The following TMED6 variants were observed in gnomAD, a reference collection of about 807,000 sequenced individuals.
TMED6 encodes the protein transmembrane p24 trafficking protein 6.
Under a neutral mutation model 26.5 loss-of-function variants are expected in TMED6, and 17 were observed. The observed-to-expected ratio is 0.64, with a 90% CI of 0.44 to 0.96. TMED6 has a LOEUF of 0.96. Ranked by LOEUF, TMED6 falls within the 40% of genes least tolerant of loss-of-function variation. TMED6 has a pLI of 0.00. For missense variants in TMED6, 309 were observed against 296.5 expected (o/e 1.04, Z -0.31); for synonymous variants, 107 against 106.2 (o/e 1.01, Z -0.04).
In TMED6 at chr16:69,343,611, G is replaced by T. The variant is rs1328027003; in HGVS notation, c.519C>A (p.Ile173=). The T allele has an allele frequency of 6.2e-7, 1 of 1,614,078 alleles. No homozygotes were observed. Among genetic ancestry groups the T allele is most frequent in the Non-Finnish European group, 8.5e-7 (1 of 1,180,036 alleles). Residue 173 remains isoleucine (I), a synonymous_variant, in exon 4 of 4, where the codon ATC becomes ATA. Coordinates refer to ENST00000288025, the MANE Select transcript of TMED6 (RefSeq NM_144676.4). ...AGTTGTAGTATCGCCACATGTGAAA[G>T]ATATTGTTCTGCACCTTTTGTGTGC... ...EDGTQKVQNN[I]FHMWRYYNFA...
In TMED6 at chr16:69,351,608, G is replaced by A; in HGVS notation, c.146C>T (p.Pro49Leu). The change falls in exon 1 of 4, where the codon CCT becomes CTT. Residue 49 changes from proline to leucine, a missense_variant. Transcript: ENST00000288025. ...ADRYDFAIMI[P>L]PGGTECFWQF... ...CCAAAAGCATTCCGTGCCTCCTGGA[G>A]GTATCATGATGGCAAAGTCATATCG... The A allele has an allele frequency of 6.2e-6, 10 of 1,614,132 alleles. No individual in the cohort carries two copies. The highest frequency in any genetic ancestry group is 2.2e-5 in the East Asian group (1 of 44,888).
At chr16:69,348,169 G>T in intron 2 of TMED6, 1 of 393,424 alleles carries the variant, frequency 2.5e-6, no homozygotes, top group Non-Finnish European at 4.6e-6. Flanking sequence ...TCCATACTGG[G>T]TAGTGGCAAA....
In TMED6 at chr16:69,349,611, G is replaced by C. The variant is rs140507413; in HGVS notation, c.254C>G (p.Ala85Gly). The C allele has an allele frequency of 6.2e-7, 1 of 1,613,906 alleles. No homozygotes were observed. Among genetic ancestry groups the C allele is most frequent in the Admixed American group, 1.7e-5 (1 of 60,012 alleles). ...TVGMSHDRHV[A>G]ATAHNPQGFL... is the part of the protein sequence containing the mutation. ...TCCCTGTGGGTTATGTGCCGTGGCA[G>C]CAACATGCCGGTCATGTGACATCCC... Residue 85 changes from alanine to glycine, a missense_variant, in exon 2 of 4, where the codon GCT becomes GGT. Transcript: ENST00000288025.
chr16:69,349,775 A>AC, intron 1 of TMED6, 124 bp from the exon 2 acceptor site: 1 of 1,248,016 alleles, frequency 8.0e-7, no homozygotes, highest in Non-Finnish European at 1.1e-6. Flanking sequence ...GGACTGCCCA[A>AC]CCCCCTGCTG....
intron 2 of TMED6, 33 bp from the exon 3 acceptor site, chr16:69,347,969 T>C (rs1174582143): frequency 6.2e-7 from 1 of 1,611,618 alleles, no homozygotes; most frequent in East Asian, 2.2e-5. Context: ...ACCAAGTCTT[T>C]GGTCTCCTCC....
At chr16:69,344,807 G>A (rs1185609674) in intron 3 of TMED6, among the ~76,000 whole-genome samples, 1 of 151,640 alleles carries the variant, frequency 6.6e-6, no homozygotes, top group Non-Finnish European at 1.5e-5. Flanking sequence ...AGTGAAAAGT[G>A]GCCGGGCACG....
chr16:69,349,499 T>C (rs371138574), intron 2 of TMED6, 26 bp downstream of exon 2: 209 of 1,609,240 alleles, frequency 1.3e-4, no homozygotes, highest in African/African-American at 2.4e-4. Flanking sequence ...ATGATTATTA[T>C]AATAGCCATG....
intron 3 of TMED6, among the ~76,000 whole-genome samples, chr16:69,347,183 G>A (rs1201718098): frequency 1.3e-5 from 2 of 152,154 alleles, no homozygotes; most frequent in Non-Finnish European, 2.9e-5. Context: ...GATGCTGATA[G>A]TTGCACAGCC....
intron 2 of TMED6, 45 bp from the exon 3 acceptor site, chr16:69,347,981 C>A: frequency 6.2e-7 from 1 of 1,604,504 alleles, no homozygotes; most frequent in South Asian, 1.1e-5. Flanking sequence ...GTCTCCTCCC[C>A]TTTGTTAAGG....
In TMED6 at chr16:69,351,667, G is replaced by A. The variant is rs1268919965; in HGVS notation, c.87C>T (p.Gly29=). The part of the protein sequence containing the change: ...ARSQKTEPLS[G]SGDQPLFRGA... Reference sequence around the variant, plus strand: ...CACGGAAGAGTGGCTGGTCCCCAGAGCCACTTAGAGGTTCTGTCTTCTGGC... The same window carrying A: ...CACGGAAGAGTGGCTGGTCCCCAGAACCACTTAGAGGTTCTGTCTTCTGGC... Residue 29 remains glycine, a synonymous_variant, in exon 1 of 4, where the codon GGC becomes GGT. Coordinates refer to ENST00000288025, the MANE Select transcript of TMED6 (RefSeq NM_144676.4). 1.9e-6 allele frequency: 3 copies of A among 1,613,968 alleles called. No individual in the cohort carries two copies. The highest frequency in any genetic ancestry group is 8.5e-7 in the Non-Finnish European group (1 of 1,180,012).
intron 1 of TMED6, among the ~76,000 whole-genome samples, chr16:69,350,937 T>G (rs2012765752): frequency 6.6e-6 from 1 of 152,336 alleles, no homozygotes. Context: ...GCCTCTAACT[T>G]TCATACTGAG....
chr16:69,349,777 C>A, intron 1 of TMED6, 126 bp from the exon 2 acceptor site: 1 of 1,241,722 alleles, frequency 8.1e-7, no homozygotes, highest in Admixed American at 2.3e-5. Context: ...ACTGCCCAAC[C>A]CCCTGCTGGG....
At chr16:69,344,979 C>T (rs764758552) in intron 3 of TMED6, among the ~76,000 whole-genome samples, 4 of 152,078 alleles carry the variant, frequency 2.6e-5, no homozygotes, top group East Asian at 1.9e-4. Context: ...ATCCCAGCTA[C>T]TTGGGAGACT....
At chr16:69,348,720 T>C (rs1234931047) in intron 2 of TMED6, among the ~76,000 whole-genome samples, 2 of 152,056 alleles carry the variant, frequency 1.3e-5, no homozygotes, top group Non-Finnish European at 2.9e-5. Flanking sequence ...GTTCAAGCAA[T>C]TCTCTTGCCT....
intron 3 of TMED6, among the ~76,000 whole-genome samples, chr16:69,345,424 C>A (rs981706133): frequency 6.6e-6 from 1 of 152,046 alleles, no homozygotes; most frequent in Non-Finnish European, 1.5e-5. Context: ...TGGCTCACGC[C>A]TGTATTCCCA....
Position 69,349,568 on chromosome 16 carries a change from G to T in TMED6, c.297C>A (p.Ser99=). 6.2e-7 allele frequency: 1 copy of T among 1,613,950 alleles called. No homozygotes were observed. The highest frequency in any genetic ancestry group is 1.7e-5 in the Admixed American group (1 of 60,004). Residue 99 remains serine, a synonymous_variant, in exon 2 of 4, where the codon TCC becomes TCA. Transcript: ENST00000288025. ...HNPQGFLIDT[S]QGVRGQINFS... is the part of the protein sequence containing the mutation. ...AGTTAATCTGGCCCCGAACACCCTGGGAGGTGTCTATGAGAAATCCCTGTG... is the reference window on the plus strand; with the variant it reads ...AGTTAATCTGGCCCCGAACACCCTGTGAGGTGTCTATGAGAAATCCCTGTG...
intron 3 of TMED6, among the ~76,000 whole-genome samples, chr16:69,347,247 G>A (rs2012700802): frequency 6.6e-6 from 1 of 152,176 alleles, no homozygotes. Context: ...GGTGTACGGT[G>A]TATGAATTAT....
intron 3 of TMED6, among the ~76,000 whole-genome samples, chr16:69,345,850 AGTT>A (rs1412769588): frequency 6.6e-6 from 1 of 152,034 alleles, no homozygotes; most frequent in African/African-American, 2.4e-5. Context: ...TCATTTAAAA[AGTT>A]GTTTTGTTTG....
chr16:69,351,736 A>G lies in TMED6; in HGVS notation c.18T>C (p.Phe6=). 6.2e-7 allele frequency: 1 copy of G among 1,613,098 alleles called. No homozygotes were observed. The highest frequency in any genetic ancestry group is 8.5e-7 in the Non-Finnish European group (1 of 1,179,944). The part of the protein sequence containing the change: MSPLL[F]GAGLVVLNLV... ...GATTCAGAACGACCAGCCCAGCCCC[A>G]AAGAGCAAAGGGGACATGCCGCTTT... Residue 6 remains phenylalanine (F), a synonymous_variant, in exon 1 of 4, where the codon TTT becomes TTC. Transcript: ENST00000288025.
Sources: allele counts gnomAD v4.1 joint callset (sites outside exome capture counted in the v4.1 genomes callset), GRCh38; gene constraint gnomAD v4.1.1; transcripts MANE v1.5; gene names NCBI Gene and HGNC (gene_info 2026-07-23, HGNC 2026-07-21).